Variants in ADAMTS6 observed in about 807,000 individuals in gnomAD.
The protein encoded by ADAMTS6 is ADAM metallopeptidase with thrombospondin type 1 motif 6.
Under a neutral mutation model 144.3 loss-of-function variants are expected in ADAMTS6, and 23 were observed. The ratio of observed to expected loss-of-function variants is 0.16; its 90% CI spans 0.11 to 0.23. The LOEUF (loss-of-function observed/expected upper bound fraction) is 0.23, where lower values mean the gene tolerates loss of function less well. Ranked by LOEUF, ADAMTS6 falls within the 10% of genes least tolerant of loss-of-function variation. The probability of loss-of-function intolerance (pLI) is 1.00; values close to 1 mark genes in which losing one functional copy is unlikely to be tolerated. For missense variants in ADAMTS6, 999 were observed against 1,379.6 expected (o/e 0.72, Z 4.37); for synonymous variants, 444 against 457.5 (o/e 0.97, Z 0.38).
At chr5:65,287,144 A>T (rs1026711691) in intron 11 of ADAMTS6, among the ~76,000 whole-genome samples, 2 of 152,200 alleles carry the variant, frequency 1.3e-5, no homozygotes, top group African/African-American at 4.8e-5. Flanking sequence ...TACCTTGAAG[A>T]CGTCCTATCT....
intron 11 of ADAMTS6, among the ~76,000 whole-genome samples, chr5:65,290,802 T>A (rs1307619924): frequency 1.3e-5 from 2 of 152,192 alleles, no homozygotes; most frequent in Non-Finnish European, 2.9e-5. Flanking sequence ...GCCTACATTT[T>A]TTTTTCTTTC....
chr5:65,361,778 G>A lies in ADAMTS6; in HGVS notation c.1074-27693C>T, dbSNP rs113396550. On this transcript the variant is annotated intron_variant, in intron 7 of 24. Transcript: ENST00000381055. Reference sequence around the variant, plus strand: ...AAACAGGGTTTCACTCTGTCACCCAGGCTGGAGTGCAGTTGCATGATCACG... The same window carrying A: ...AAACAGGGTTTCACTCTGTCACCCAAGCTGGAGTGCAGTTGCATGATCACG... Among the ~76,000 whole-genome samples the A allele has an allele frequency of 4.0e-3, 613 of 151,492 alleles. 9 individuals carry two copies. The highest frequency in any genetic ancestry group is 0.013 in the African/African-American group (542 of 41,272).
intron 20 of ADAMTS6, among the ~76,000 whole-genome samples, chr5:65,212,558 T>C (rs1756619029): frequency 6.6e-6 from 1 of 152,078 alleles, no homozygotes; most frequent in Non-Finnish European, 1.5e-5. Flanking sequence ...ATTTTTTTCT[T>C]CCAAATTCAG....
At chr5:65,197,581 A>G (rs1755468082) in intron 20 of ADAMTS6, among the ~76,000 whole-genome samples, 2 of 152,198 alleles carry the variant, frequency 1.3e-5, no homozygotes. Flanking sequence ...TTACTTTTTG[A>G]TATTTTGTAG....
At position 65,359,914 on chromosome 5, in the gene ADAMTS6, G is replaced by A. The variant is rs76605552; in HGVS notation, c.1074-25829C>T. Among the ~76,000 whole-genome samples the A allele has an allele frequency of 7.9e-3, 1,202 of 152,250 alleles. 12 individuals carry two copies. Among genetic ancestry groups the A allele is most frequent in the African/African-American group, 0.027 (1,135 of 41,546 alleles). ...TTTCAGTTAGGATACATACGTTTTC[G>A]AGATCTATTTTACAGCATGGTGACT... On this transcript the variant is annotated intron_variant, in intron 7 of 24. Coordinates refer to ENST00000381055, the MANE Select transcript of ADAMTS6 (RefSeq NM_197941.4).
At chr5:65,281,852 C>G (rs902234504) in intron 11 of ADAMTS6, among the ~76,000 whole-genome samples, 1 of 151,898 alleles carries the variant, frequency 6.6e-6, no homozygotes, top group Non-Finnish European at 1.5e-5. Context: ...GATTGTTTCA[C>G]AAAGAGTATA....
chr5:65,220,978 A>G (rs1323887904), intron 18 of ADAMTS6, among the ~76,000 whole-genome samples: 1 of 152,224 alleles, frequency 6.6e-6, no homozygotes, highest in African/African-American at 2.4e-5. Context: ...ATTTTATGCC[A>G]ATAAATTTGA....
chr5:65,261,639 G>C (rs1761208011), intron 13 of ADAMTS6, among the ~76,000 whole-genome samples: 1 of 152,160 alleles, frequency 6.6e-6, no homozygotes, highest in Non-Finnish European at 1.5e-5. Context: ...TCTAAGTAAG[G>C]AAGGGAAATG....
rs1328541541 is a variant in ADAMTS6 at position 65,149,847 on chromosome 5, G to C, written c.*1989C>G. On this transcript the variant is annotated 3_prime_UTR_variant, in exon 25 of 25. Transcript: ENST00000381055. ...TGTTTGCCCTTCACTGAATGGCTAAGACGGCACTTGGGCTGGTCTTCTAAG... is the reference window on the plus strand; with the variant it reads ...TGTTTGCCCTTCACTGAATGGCTAACACGGCACTTGGGCTGGTCTTCTAAG... 6.6e-6 allele frequency: 1 copy of C among 152,662 alleles called. No homozygotes were observed. The highest frequency in any genetic ancestry group is 2.4e-5 in the African/African-American group (1 of 41,458). The allele number at this position is 152,662 out of a possible 1,614,324, so 9.5% of individuals were successfully genotyped here.
rs1473297079 is a variant in ADAMTS6, at chr5:65,224,944, T to C, written c.2171A>G (p.Asn724Ser). ...STCDAIEGFFNDSLPRGGYME... is the reference protein window; with the variant it reads ...STCDAIEGFFSDSLPRGGYME... Reference sequence around the variant, plus strand: ...CTCACCTCCCCTGGGCAGTGAATCATTGAAGAACCCTTCAATGGCATCACA... The same window carrying C: ...CTCACCTCCCCTGGGCAGTGAATCACTGAAGAACCCTTCAATGGCATCACA... Residue 724 changes from asparagine (N) to serine (S), a missense_variant, in exon 17 of 25, where the codon AAT becomes AGT. By Grantham distance (46) the Asn-to-Ser change is conservative (BLOSUM62 1). Around this residue, in one of 3 missense-constraint regions of ADAMTS6, gnomAD observed 619 missense variants for 837.0 expected, o/e 0.74. Transcript: ENST00000381055. The C allele has an allele frequency of 3.1e-6, 5 of 1,613,882 alleles. No individual in the cohort carries two copies. Among genetic ancestry groups the C allele is most frequent in the Non-Finnish European group, 4.2e-6 (5 of 1,179,920 alleles).
At chr5:65,232,721 A>G (rs953170832) in intron 15 of ADAMTS6, among the ~76,000 whole-genome samples, 1 of 151,974 alleles carries the variant, frequency 6.6e-6, no homozygotes, top group Non-Finnish European at 1.5e-5. Context: ...CCTCTCATCA[A>G]ATAAAAGTGC....
chr5:65,438,930 A>G (rs1032698320), intron 7 of ADAMTS6, among the ~76,000 whole-genome samples: 8 of 152,216 alleles, frequency 5.3e-5, no homozygotes, highest in Non-Finnish European at 1.0e-4. Flanking sequence ...AAGAGGAGAC[A>G]ATCTATTTCA....
chr5:65,318,799 C>A (rs1291044134), intron 9 of ADAMTS6, among the ~76,000 whole-genome samples: 2 of 151,950 alleles, frequency 1.3e-5, no homozygotes, highest in African/African-American at 4.8e-5. Flanking sequence ...ATAGAATGAA[C>A]AAAACCTACT....
At position 65,215,600 on chromosome 5, in the gene ADAMTS6, T is replaced by C. The variant is rs887144904; in HGVS notation, c.2273-113A>G. The stretch of plus-strand genomic sequence containing the variant: ...GAATACCGATTTCCATTTAGAGATG[T>C]GACTCTTGACCATATTCTTAAGTAC... On this transcript the variant is annotated intron_variant, in intron 18 of 24. Coordinates refer to ENST00000381055, the MANE Select transcript of ADAMTS6 (RefSeq NM_197941.4). 5 of 879,738 alleles carry C rather than the reference T, an allele frequency of 5.7e-6. 1 individual carries two copies. Among genetic ancestry groups the C allele is most frequent in the African/African-American group, 5.1e-5 (3 of 58,676 alleles). 54.5% of individuals were successfully genotyped at this position (879,738 alleles called of 1,614,324 possible). A position where few individuals can be genotyped will look rare whatever the true frequency, so the allele number is the denominator to read the frequency against.
At chr5:65,391,839 A>T (rs754340203) in intron 7 of ADAMTS6, among the ~76,000 whole-genome samples, 1 of 151,718 alleles carries the variant, frequency 6.6e-6, no homozygotes, top group Non-Finnish European at 1.5e-5. Flanking sequence ...GGATTCAAGC[A>T]ATTCCCATGC....
intron 7 of ADAMTS6, among the ~76,000 whole-genome samples, chr5:65,370,965 C>A (rs1042884753): frequency 2.0e-5 from 3 of 152,128 alleles, no homozygotes; most frequent in Non-Finnish European, 2.9e-5. Context: ...GGTCCCTGAC[C>A]CCTGACCCCC....
rs753128819 is a variant in ADAMTS6 at position 65,391,359 on chromosome 5, T to C, written c.1074-57274A>G. Among the ~76,000 whole-genome samples the C allele has an allele frequency of 2.6e-5, 4 of 152,094 alleles. No individual in the cohort carries two copies. The East Asian group carries it at 7.7e-4, about 29-fold the overall frequency. On this transcript the variant is annotated intron_variant, in intron 7 of 24. Transcript: ENST00000381055. ...TACCCATATTCCTTTTACCCAGACT[T>C]ATCTATTGATACTGCTAACATTTGC...
chr5:65,212,842 T>C (rs1756635422), intron 20 of ADAMTS6, among the ~76,000 whole-genome samples: 1 of 152,210 alleles, frequency 6.6e-6, no homozygotes, highest in Non-Finnish European at 1.5e-5. Flanking sequence ...AACTTTAGAC[T>C]ATCCTTATTA....
chr5:65,445,421 T>G (rs1758195001), intron 7 of ADAMTS6, among the ~76,000 whole-genome samples: 1 of 152,218 alleles, frequency 6.6e-6, no homozygotes, highest in Non-Finnish European at 1.5e-5. Context: ...CACTGCAATC[T>G]CCGCCTCTCG....
Sources: allele counts gnomAD v4.1 joint callset (sites outside exome capture counted in the v4.1 genomes callset), GRCh38; gene constraint gnomAD v4.1.1; regional missense constraint gnomAD v4.1.1; transcripts MANE v1.5; gene names NCBI Gene and HGNC (gene_info 2026-07-23, HGNC 2026-07-21).